GEN1: variants seen among roughly 807,000 people sequenced by gnomAD.
GEN1 encodes the protein flap endonuclease GEN homolog 1.
In GEN1, 64 loss-of-function variants were observed where a neutral mutation model predicts 67.6. The observed-to-expected ratio is 0.95, with a 90% confidence interval of 0.77 to 1.17. The LOEUF (loss-of-function observed/expected upper bound fraction) is 1.17. Ranked by LOEUF, GEN1 falls within the 50% of genes most tolerant of loss-of-function variation. The probability of loss-of-function intolerance (pLI) is 0.00; values close to 1 mark genes in which losing one functional copy is unlikely to be tolerated. For missense variants in GEN1, 1,058 were observed against 1,048.3 expected, an observed-to-expected ratio of 1.01 and a Z score of -0.13; for synonymous variants, 371 against 359.4, an observed-to-expected ratio of 1.03 and a Z score of -0.37.
rs1383979756 is a variant in GEN1 at position 17,784,304 on chromosome 2, G to T, written c.*2365G>T. 3 of 152,074 alleles carry T rather than the reference G, an allele frequency of 2.0e-5. No individual in the cohort carries two copies. Among genetic ancestry groups the T allele is most frequent in the Non-Finnish European group, 4.4e-5 (3 of 67,996 alleles). The allele number at this position is 152,074 out of a possible 1,614,324, so 9.4% of individuals were successfully genotyped here. On this transcript the variant is annotated 3_prime_UTR_variant, in exon 14 of 14. Transcript: ENST00000381254. ...GACACCCAATGTCTACAATCAAAAA[G>T]ATAATAACTAGTATTGATGAGGATG... is the stretch of plus-strand genomic sequence containing the variant.
At position 17,780,750 on chromosome 2, in the gene GEN1, C is replaced by A. The variant is rs1558412215; in HGVS notation, c.1538C>A (p.Pro513His). 1.2e-6 allele frequency: 2 copies of A among 1,613,966 alleles called. No individual in the cohort carries two copies. The highest frequency in any genetic ancestry group is 1.7e-4 in the Middle Eastern group (1 of 6,056). The change falls in exon 14 of 14, where the codon CCT (proline) becomes CAT (histidine). Residue 513 changes from proline to histidine, a missense_variant. Physicochemically the swap from Pro to His is moderately conservative, Grantham distance 77. Coordinates refer to ENST00000381254, the MANE Select transcript of GEN1 (RefSeq NM_001130009.3). ...TCCAAGTTAAATTCGGGGATTTCCCCTGATCCTACATTACCACAGGAATCT... is the reference window on the plus strand; with the variant it reads ...TCCAAGTTAAATTCGGGGATTTCCCATGATCCTACATTACCACAGGAATCT... ...QNSKLNSGISPDPTLPQESIS... is the reference protein window; with the variant it reads ...QNSKLNSGISHDPTLPQESIS...
intron 7 of GEN1, 23 bp from the exon 8 acceptor site, chr2:17,772,611 A>G (rs369259669): frequency 6.4e-7 from 1 of 1,571,364 alleles, no homozygotes; most frequent in Non-Finnish European, 8.6e-7. Flanking sequence ...AAAATATTAT[A>G]CTTTTTTTGG....
Position 17,786,957 on chromosome 2 carries a change from T to A in GEN1, c.*5018T>A. On this transcript the variant is annotated 3_prime_UTR_variant, in exon 14 of 14. Coordinates refer to ENST00000381254, the MANE Select transcript of GEN1 (RefSeq NM_001130009.3). The stretch of plus-strand genomic sequence containing the variant: ...TCTGGCCTTAGTACTTCAGCATGGC[T>A]CACAAGGCTGAGGCAGCCTGGCCCC... 1 of 152,228 alleles carries A rather than the reference T, an allele frequency of 6.6e-6. No homozygotes were observed. The highest frequency in any genetic ancestry group is 1.5e-5 in the Non-Finnish European group (1 of 68,058). 9.4% of individuals were successfully genotyped at this position (152,228 alleles called of 1,614,324 possible). A position where few individuals can be genotyped will look rare whatever the true frequency, so the allele number is the denominator to read the frequency against.
At chr2:17,779,942 A>T (rs1412657587) in intron 12 of GEN1, 36 bp from the exon 13 acceptor site, 4 of 1,552,598 alleles carry the variant, frequency 2.6e-6, no homozygotes, top group Non-Finnish European at 3.5e-6. Flanking sequence ...TTAAATGCCT[A>T]ATTAAGGACA....
intron 2 of GEN1, among the ~76,000 whole-genome samples, chr2:17,760,891 C>T (rs1337281371): frequency 6.7e-6 from 1 of 150,188 alleles, no homozygotes; most frequent in African/African-American, 2.5e-5. Flanking sequence ...CACTGCACTC[C>T]AGCCTGGGCA....
In GEN1 at chr2:17,764,988, A is replaced by C; in HGVS notation, c.440A>C (p.His147Pro). 1 of 1,614,188 alleles carries C rather than the reference A, an allele frequency of 6.2e-7. No individual in the cohort carries two copies. The highest frequency in any genetic ancestry group is 1.1e-5 in the South Asian group (1 of 91,080). Reference protein sequence around the residue: ...AMCAYLNAGGHVDGCLTNDGD... With the variant: ...AMCAYLNAGGPVDGCLTNDGD... ...TGTGCTTATCTCAATGCTGGTGGTC[A>C]TGTCGATGGCTGCCTCACCAATGAT... The change falls in exon 4 of 14, where the codon CAT (histidine) becomes CCT (proline). Residue 147 changes from histidine (H) to proline (P), a missense_variant. His to Pro is a moderately conservative substitution (Grantham distance 77). Transcript: ENST00000381254.
rs1439205091 is a variant in GEN1 at position 17,759,937 on chromosome 2, C to T, written c.-7C>T. Reference sequence around the variant, plus strand: ...TGTGTTTCACATAACAGCAGATAATCACCAGAATGGGAGTGAATGACTTGT... The same window carrying T: ...TGTGTTTCACATAACAGCAGATAATTACCAGAATGGGAGTGAATGACTTGT... On this transcript the variant is annotated 5_prime_UTR_variant, in exon 2 of 14. Coordinates refer to ENST00000381254, the MANE Select transcript of GEN1 (RefSeq NM_001130009.3). The T allele has an allele frequency of 1.2e-6, 2 of 1,612,962 alleles. No individual in the cohort carries two copies. Among genetic ancestry groups the T allele is most frequent in the South Asian group, 2.2e-5 (2 of 90,918 alleles).
At position 17,778,208 on chromosome 2, in the gene GEN1, A is replaced by G. The variant is rs552402338; in HGVS notation, c.1264+145A>G. 54 of 365,964 alleles carry G rather than the reference A, an allele frequency of 1.5e-4. 1 individual carries two copies. The highest frequency in any genetic ancestry group is 9.8e-4 in the South Asian group (31 of 31,578). The allele number at this position is 365,964 out of a possible 1,614,324, so 22.7% of individuals were successfully genotyped here. On this transcript the variant is annotated intron_variant, in intron 12 of 13. Coordinates refer to ENST00000381254, the MANE Select transcript of GEN1 (RefSeq NM_001130009.3). ...TATATACACACACACATATATGTGT[A>G]TATATATGTATACACACACATATAT... is the stretch of plus-strand genomic sequence containing the variant.
chr2:17,764,593 C>T (rs529706462), intron 3 of GEN1, among the ~76,000 whole-genome samples: 51 of 152,116 alleles, frequency 3.4e-4, no homozygotes, highest in African/African-American at 1.2e-3. Flanking sequence ...TGAAGCAAAT[C>T]GTAGACATAA....
rs1671663768 is a variant in GEN1 at position 17,761,288 on chromosome 2, C to T, written c.162-108C>T. 3 of 623,238 alleles carry T rather than the reference C, an allele frequency of 4.8e-6. No homozygotes were observed. In the African/African-American group the frequency reaches 5.6e-5, roughly 12 times the overall value. The allele number at this position is 623,238 out of a possible 1,614,324, so 38.6% of individuals were successfully genotyped here. On this transcript the variant is annotated intron_variant, in intron 2 of 13. Transcript: ENST00000381254. ...TTAAAGCTTAAGTAAAATGTTATTACATTAACGTTTTTGATACTAGTCTAA... is the reference window on the plus strand; with the variant it reads ...TTAAAGCTTAAGTAAAATGTTATTATATTAACGTTTTTGATACTAGTCTAA...
At chr2:17,778,319 C>CATGTGTGTACATATATGTATAT (rs1558409328) in intron 12 of GEN1, among the ~76,000 whole-genome samples, 1 of 46,362 alleles carries the variant, frequency 2.2e-5, no homozygotes. Flanking sequence ...TATATACACA[C>CATGTGTGTACATATATGTATAT]ACACGTGTAC....
intron 5 of GEN1, among the ~76,000 whole-genome samples, chr2:17,768,178 C>T (rs1353698252): frequency 1.3e-5 from 2 of 152,140 alleles, no homozygotes; most frequent in Non-Finnish European, 2.9e-5. Context: ...CTGGAAGACT[C>T]AGTTTAAATC....
chr2:17,753,805 C>T (rs533623830), upstream of GEN1: 4 of 152,396 alleles, frequency 2.6e-5, no homozygotes, highest in East Asian at 7.8e-4. Flanking sequence ...CACCGCGGTA[C>T]TAACCGCGCC....
At position 17,781,035 on chromosome 2, in the gene GEN1, A is replaced by T; in HGVS notation, c.1823A>T (p.His608Leu). 6.2e-7 allele frequency: 1 copy of T among 1,613,864 alleles called. No individual in the cohort carries two copies. Among genetic ancestry groups the T allele is most frequent in the Non-Finnish European group, 8.5e-7 (1 of 1,179,836 alleles). Residue 608 changes from histidine to leucine, a missense_variant, in exon 14 of 14, where the codon CAT (histidine) becomes CTT (leucine). His to Leu is a moderately conservative substitution (Grantham distance 99). Transcript: ENST00000381254. Reference sequence around the variant, plus strand: ...GCTATTCAAAGGAATACTTTTTCTCATGATTTAAAATCAGAAGTTGAATCA... The same window carrying T: ...GCTATTCAAAGGAATACTTTTTCTCTTGATTTAAAATCAGAAGTTGAATCA... ...SPAIQRNTFS[H>L]DLKSEVESEL...
chr2:17,754,384 G>C (rs1030632911), intron 1 of GEN1, 39 bp downstream of exon 1: 8 of 152,226 alleles, frequency 5.3e-5, no homozygotes, highest in African/African-American at 1.7e-4. Flanking sequence ...CGCCGCCCGG[G>C]TCCTCCCACT....
chr2:17,786,397 C>G lies in GEN1; in HGVS notation c.*4458C>G, dbSNP rs1673060895. 6.6e-6 allele frequency: 1 copy of G among 152,158 alleles called. No homozygotes were observed. Among genetic ancestry groups the G allele is most frequent in the Non-Finnish European group, 1.5e-5 (1 of 68,024 alleles). 9.4% of individuals were successfully genotyped at this position (152,158 alleles called of 1,614,324 possible). A position where few individuals can be genotyped will look rare whatever the true frequency, so the allele number is the denominator to read the frequency against. On this transcript the variant is annotated 3_prime_UTR_variant, in exon 14 of 14. Coordinates refer to ENST00000381254, the MANE Select transcript of GEN1 (RefSeq NM_001130009.3). ...CTAGATTAGCATCACACAAGGGATC[C>G]TAACGTGGCATTTGAGCTACTGGAA...
chr2:17,774,174 AC>A, intron 10 of GEN1, 96 bp from the exon 11 acceptor site: 1 of 548,258 alleles, frequency 1.8e-6, no homozygotes, highest in African/African-American at 2.0e-5. Flanking sequence ...ACTTTAACTT[AC>A]GTTAATTCTA....
At chr2:17,776,153 AT>A (rs1384464634) in intron 11 of GEN1, among the ~76,000 whole-genome samples, 1 of 150,536 alleles carries the variant, frequency 6.6e-6, no homozygotes, top group Non-Finnish European at 1.5e-5. Flanking sequence ...TTTAATCTGT[AT>A]CTAATCATGA....
intron 11 of GEN1, 79 bp from the exon 12 acceptor site, chr2:17,777,923 G>A (rs906873692): frequency 6.6e-6 from 5 of 760,328 alleles, no homozygotes; most frequent in Non-Finnish European, 1.1e-5. Context: ...AAAAATCTAT[G>A]GAAATTATTC....
Sources: allele counts gnomAD v4.1 joint callset (sites outside exome capture counted in the v4.1 genomes callset), GRCh38; gene constraint gnomAD v4.1.1; transcripts MANE v1.5; gene names NCBI Gene and HGNC (gene_info 2026-07-23, HGNC 2026-07-21).